PLAT: variants seen among roughly 807,000 people sequenced by gnomAD.
PLAT encodes plasminogen activator, tissue type.
PLAT carries 48 observed loss-of-function variants against 74.9 expected under a neutral mutation model. The ratio of observed to expected loss-of-function variants is 0.64; its 90% CI spans 0.51 to 0.82. The LOEUF (loss-of-function observed/expected upper bound fraction) is 0.82, where lower values mean the gene tolerates loss of function less well. Ranked by LOEUF, PLAT falls within the 40% of genes least tolerant of loss-of-function variation. PLAT has a pLI of 0.00. For missense variants in PLAT, 673 were observed against 736.2 expected, an observed-to-expected ratio of 0.91 and a Z score of 0.99; for synonymous variants, 307 against 294.4, an observed-to-expected ratio of 1.04 and a Z score of -0.44.
chr8:42,176,130 C>G lies in PLAT; in HGVS notation c.1552G>C (p.Val518Leu). 6.2e-7 allele frequency: 1 copy of G among 1,613,802 alleles called. No individual in the cohort carries two copies. The highest frequency in any genetic ancestry group is 1.1e-5 in the South Asian group (1 of 91,010). The part of the protein sequence containing the change: ...ACQGDSGGPL[V>L]CLNDGRMTLV... ...GTCATGCGGCCATCGTTCAGACACACCAGGGGGCCTCCCGAATCGCCCTGC... is the reference window on the plus strand; with the variant it reads ...GTCATGCGGCCATCGTTCAGACACAGCAGGGGGCCTCCCGAATCGCCCTGC... The change falls in exon 14 of 14, where the codon GTG becomes CTG. Residue 518 changes from valine to leucine, a missense_variant. Coordinates refer to ENST00000220809, the MANE Select transcript of PLAT (RefSeq NM_000930.5).
intron 1 of PLAT, chr8:42,206,812 T>C (rs2129845173): frequency 6.6e-6 from 1 of 152,348 alleles, no homozygotes. Flanking sequence ...TCCCCTGTAA[T>C]TAAAATGTCC....
intron 12 of PLAT, 111 bp from the exon 13 acceptor site, chr8:42,179,174 T>C (rs1805107747): frequency 1.4e-6 from 1 of 712,748 alleles, no homozygotes; most frequent in East Asian, 2.6e-5. Context: ...ATTCAACATG[T>C]ATTAGGTCGA....
At chr8:42,203,449 C>T (rs1806210009) in intron 1 of PLAT, among the ~76,000 whole-genome samples, 1 of 152,142 alleles carries the variant, frequency 6.6e-6, no homozygotes, top group Admixed American at 6.6e-5. Context: ...GCTAGCATTT[C>T]CTGGCAGCCA....
chr8:42,179,914 C>A lies in PLAT; in HGVS notation c.1363+12G>T, dbSNP rs746990368. The stretch of plus-strand genomic sequence containing the variant: ...CGCAGACAGGATGGGGCCGAGACTT[C>A]CTTCCACTTACAGGCCTCATGCTTG... On this transcript the variant is annotated intron_variant, in intron 12 of 13. Transcript: ENST00000220809. 3.2e-6 allele frequency: 5 copies of A among 1,573,848 alleles called. No homozygotes were observed. The Admixed American group carries it at 5.4e-5, about 17-fold the overall frequency.
intron 12 of PLAT, among the ~76,000 whole-genome samples, chr8:42,179,607 G>A (rs913896777): frequency 6.6e-6 from 1 of 152,198 alleles, no homozygotes; most frequent in African/African-American, 2.4e-5. Flanking sequence ...CAGCAAGTGG[G>A]ATTTGAAATC....
chr8:42,203,422 T>C (rs532333071), intron 1 of PLAT, among the ~76,000 whole-genome samples: 2 of 152,284 alleles, frequency 1.3e-5, no homozygotes, highest in African/African-American at 4.8e-5. Flanking sequence ...CATATACTTG[T>C]ATAGGAAGAA....
chr8:42,179,087 G>A (rs1241047030), intron 12 of PLAT, 24 bp from the exon 13 acceptor site: 2 of 1,563,210 alleles, frequency 1.3e-6, no homozygotes, highest in East Asian at 2.3e-5. Flanking sequence ...ACCATCATAT[G>A]GTTTTAGGGA....
At chr8:42,182,619 T>C in intron 8 of PLAT, 100 bp downstream of exon 8, 1 of 846,364 alleles carries the variant, frequency 1.2e-6, no homozygotes, top group Non-Finnish European at 1.9e-6. Flanking sequence ...TCCCACGCAC[T>C]GGGTCTGTCA....
intron 1 of PLAT, among the ~76,000 whole-genome samples, chr8:42,197,081 G>A (rs1039043229): frequency 6.6e-6 from 1 of 152,196 alleles, no homozygotes; most frequent in Non-Finnish European, 1.5e-5. Flanking sequence ...TTTGCAAAAG[G>A]TACCCTCTCT....
At position 42,178,988 on chromosome 8, in the gene PLAT, T is replaced by C. The variant is rs1423962306; in HGVS notation, c.1439A>G (p.His480Arg). 6.2e-7 allele frequency: 1 copy of C among 1,613,898 alleles called. No homozygotes were observed. The highest frequency in any genetic ancestry group is 8.5e-7 in the Non-Finnish European group (1 of 1,179,866). ...LYPSSRCTSQHLLNRTVTDNM... is the reference protein window; with the variant it reads ...LYPSSRCTSQRLLNRTVTDNM... ...GTCGGTGACTGTTCTGTTAAGTAAATGTTGTGATGTGCAGCGGCTGGATGG... is the reference window on the plus strand; with the variant it reads ...GTCGGTGACTGTTCTGTTAAGTAAACGTTGTGATGTGCAGCGGCTGGATGG... Residue 480 changes from histidine (H) to arginine (R), a missense_variant, in exon 13 of 14, where the codon CAT (histidine) becomes CGT (arginine). Coordinates refer to ENST00000220809, the MANE Select transcript of PLAT (RefSeq NM_000930.5).
At chr8:42,189,494 G>C (rs1805606459) in intron 3 of PLAT, among the ~76,000 whole-genome samples, 1 of 151,398 alleles carries the variant, frequency 6.6e-6, no homozygotes, top group African/African-American at 2.4e-5. Flanking sequence ...CTCCAGCCTG[G>C]GCGACAGAGC....
At chr8:42,203,039 C>T (rs919588539) in intron 1 of PLAT, among the ~76,000 whole-genome samples, 5 of 152,196 alleles carry the variant, frequency 3.3e-5, no homozygotes, top group East Asian at 1.9e-4. Context: ...CCTGGGAGGA[C>T]GTGTGCTTTG....
chr8:42,177,867 C>T (rs1393026236), intron 13 of PLAT, among the ~76,000 whole-genome samples: 2 of 152,098 alleles, frequency 1.3e-5, no homozygotes, highest in African/African-American at 2.4e-5. Flanking sequence ...AAAACAAAGC[C>T]CACACATCCT....
At chr8:42,184,920 A>T in intron 7 of PLAT, 161 bp downstream of exon 7, 1 of 507,284 alleles carries the variant, frequency 2.0e-6, no homozygotes, top group Non-Finnish European at 3.5e-6. Flanking sequence ...GGCCAAGCCC[A>T]GGCACAGACC....
intron 1 of PLAT, chr8:42,193,470 C>T (rs1307279585): frequency 2.0e-5 from 6 of 297,168 alleles, no homozygotes; most frequent in Admixed American, 8.6e-5. Flanking sequence ...TATTGCTGTG[C>T]GGCCGGCCGT....
chr8:42,192,268 T>C (rs1036651062), intron 2 of PLAT, among the ~76,000 whole-genome samples: 1 of 152,160 alleles, frequency 6.6e-6, no homozygotes, highest in Admixed American at 6.5e-5. Context: ...CCTCCCAAAG[T>C]GCTGAGATTA....
chr8:42,184,208 TGGGATTATA>T (rs1244566193), intron 7 of PLAT, among the ~76,000 whole-genome samples: 4 of 152,018 alleles, frequency 2.6e-5, no homozygotes, highest in Non-Finnish European at 5.9e-5. Flanking sequence ...CCCAAAGTGC[TGGGATTATA>T]GACACGAGCC....
chr8:42,184,168 TG>T (rs1805360005), intron 7 of PLAT, among the ~76,000 whole-genome samples: 1 of 152,018 alleles, frequency 6.6e-6, no homozygotes, highest in South Asian at 2.1e-4. Context: ...CTCAAACTCC[TG>T]GGCTCAAGCA....
At chr8:42,188,229 G>A (rs1805560034) in intron 4 of PLAT, 1 of 480,644 alleles carries the variant, frequency 2.1e-6, no homozygotes, top group African/African-American at 2.0e-5. Context: ...GGTCAGACAA[G>A]TGTTGTTCAA....
Sources: gnomAD v4.1 joint callset for allele counts (sites outside exome capture counted in the v4.1 genomes callset) on GRCh38, gnomAD v4.1.1 for gene constraint, MANE v1.5 for transcripts, NCBI Gene and HGNC (gene_info 2026-07-23, HGNC 2026-07-21) for gene names.